The following KMT5B variants were observed in gnomAD, a reference collection of about 807,000 sequenced individuals.
KMT5B encodes the protein histone-lysine N-methyltransferase KMT5B.
A neutral mutation model predicts 83.2 loss-of-function variants in KMT5B; 10 were observed. The observed-to-expected ratio is 0.12, with a 90% CI of 0.07 to 0.20. The LOEUF (loss-of-function observed/expected upper bound fraction) is 0.20, where lower values mean the gene tolerates loss of function less well. KMT5B is among the 10% of genes least tolerant of loss of function. The pLI is 1.00. For synonymous variants in KMT5B, 349 were observed against 388.8 expected, an observed-to-expected ratio of 0.90 and a Z score of 1.20; for missense variants, 753 against 1,067.2, an observed-to-expected ratio of 0.71 and a Z score of 4.10.
chr11:68,204,006 C>T (rs1859763519), intron 1 of KMT5B, among the ~76,000 whole-genome samples: 1 of 152,158 alleles, frequency 6.6e-6, no homozygotes. Context: ...AGCTTGGATG[C>T]ATTTTGCTTC....
rs1283730043 is a variant in KMT5B, at chr11:68,171,208, G to C, written c.840+24C>G. 6.2e-7 allele frequency: 1 copy of C among 1,601,438 alleles called. No individual in the cohort carries two copies. Among genetic ancestry groups the C allele is most frequent in the Non-Finnish European group, 8.5e-7 (1 of 1,177,358 alleles). ...CACCTGAAGCAAAAACAAAATACTT[G>C]AAGAAAATTTTTTTAATGCTTACCT... On this transcript the variant is annotated intron_variant, in intron 8 of 10. Transcript: ENST00000304363. The surrounding 1 kb of genome is among the most constrained non-coding windows in gnomAD (Gnocchi z 5.1).
chr11:68,193,337 T>G (rs1858310857), intron 1 of KMT5B, among the ~76,000 whole-genome samples: 1 of 152,174 alleles, frequency 6.6e-6, no homozygotes, highest in South Asian at 2.1e-4. Context: ...AATGATAAAT[T>G]ACTTCGAAGT....
rs554256642 is a variant in KMT5B, at chr11:68,182,111, G to A, written c.309-1911C>T. ...CTATGGGGAAAAATCTTAGGCACTG[G>A]GTGCATTTTAACTTAGGAGTCCTCA... On this transcript the variant is annotated intron_variant, in intron 3 of 10. Transcript: ENST00000304363. Among the ~76,000 whole-genome samples, 6 of 152,236 alleles carry A rather than the reference G, an allele frequency of 3.9e-5. 1 individual carries two copies. In the South Asian group the frequency reaches 1.2e-3, roughly 32 times the overall value.
intron 5 of KMT5B, 28 bp from the exon 6 acceptor site, chr11:68,173,941 G>T: frequency 2.1e-6 from 3 of 1,413,668 alleles, no homozygotes; most frequent in South Asian, 2.4e-5. Flanking sequence ...AATTGATAAT[G>T]ACTTTAAATG....
chr11:68,169,440 C>T (rs901847413), intron 9 of KMT5B, among the ~76,000 whole-genome samples: 2 of 152,104 alleles, frequency 1.3e-5, no homozygotes, highest in African/African-American at 4.8e-5. Flanking sequence ...GGGGATATAG[C>T]GGAAAATGAA....
In KMT5B at chr11:68,158,258, CTTT is replaced by C. The variant is rs1194303468; in HGVS notation, c.2085_2087del (p.Lys697del). On this transcript the variant is annotated inframe_deletion, in exon 11 of 11. Transcript: ENST00000304363. ...CATCATACCTTGTGATTCGCCTCTTCTTTTTACTTTTTGCAGTTCTAAAGCTGT... is the reference window on the plus strand; with the variant it reads ...CATCATACCTTGTGATTCGCCTCTTCTTACTTTTTGCAGTTCTAAAGCTGT... 6.2e-7 allele frequency: 1 copy of C among 1,614,026 alleles called. No homozygotes were observed. Among genetic ancestry groups the C allele is most frequent in the African/African-American group, 1.3e-5 (1 of 74,896 alleles).
At chr11:68,170,396 GAC>G (rs2153051274) in intron 9 of KMT5B, among the ~76,000 whole-genome samples, 1 of 152,238 alleles carries the variant, frequency 6.6e-6, no homozygotes, top group African/African-American at 2.4e-5. Context: ...CCTTTGAGGG[GAC>G]TCTTCCTGCA....
rs770633381 is a variant in KMT5B at position 68,158,816 on chromosome 11, A to C, written c.1530T>G (p.Thr510=). ...GTCTGTGTTCTCTCGCCGCGTGTCT[A>C]GTCAAGCACCCGCTGGCAACTGCGG... is the stretch of plus-strand genomic sequence containing the variant. ...AQAAVASGCL[T]RHAAREHRQN... is the part of the protein sequence containing the mutation. The change falls in exon 11 of 11, where the codon ACT becomes ACG. Residue 510 remains threonine (T), a synonymous_variant. Coordinates refer to ENST00000304363, the MANE Select transcript of KMT5B (RefSeq NM_017635.5). The C allele has an allele frequency of 1.2e-6, 2 of 1,614,156 alleles. No homozygotes were observed. Among genetic ancestry groups the C allele is most frequent in the Admixed American group, 3.3e-5 (2 of 60,028 alleles).
At chr11:68,192,205 T>C (rs757328483) in intron 1 of KMT5B, among the ~76,000 whole-genome samples, 1 of 152,234 alleles carries the variant, frequency 6.6e-6, no homozygotes, top group Non-Finnish European at 1.5e-5. Context: ...GTGCACTCTA[T>C]GATATCTGCA....
rs989263153 is a variant in KMT5B, at chr11:68,157,540, T to C, written c.*148A>G. 2.6e-6 allele frequency: 3 copies of C among 1,162,836 alleles called. No homozygotes were observed. The highest frequency in any genetic ancestry group is 3.1e-4 in the Middle Eastern group (1 of 3,178). 72.0% of individuals were successfully genotyped at this position (1,162,836 alleles called of 1,614,324 possible). A position where few individuals can be genotyped will look rare whatever the true frequency, so the allele number is the denominator to read the frequency against. ...GCACAAATCAGACTTAAGAATTGAG[T>C]CAGTATGCTGTACACTTTCTACAAT... On this transcript the variant is annotated 3_prime_UTR_variant, in exon 11 of 11. Transcript: ENST00000304363.
intron 4 of KMT5B, among the ~76,000 whole-genome samples, chr11:68,178,296 C>A (rs1052957349): frequency 6.6e-6 from 1 of 152,150 alleles, no homozygotes; most frequent in African/African-American, 2.4e-5. Context: ...CAAGTTCATT[C>A]CTATCTAAAA....
At chr11:68,202,705 T>C (rs189993641) in intron 1 of KMT5B, among the ~76,000 whole-genome samples, 2 of 149,310 alleles carry the variant, frequency 1.3e-5, no homozygotes, top group African/African-American at 4.9e-5. Context: ...CGCACCACTA[T>C]GCCCGGCTAA....
intron 1 of KMT5B, chr11:68,212,539 C>T (rs1361641627): frequency 6.6e-6 from 1 of 152,318 alleles, no homozygotes; most frequent in Non-Finnish European, 1.5e-5. Flanking sequence ...GTTCCTCCTT[C>T]CAAGGCGGAG....
At chr11:68,174,096 C>T in intron 5 of KMT5B, 183 bp from the exon 6 acceptor site, 1 of 648,632 alleles carries the variant, frequency 1.5e-6, no homozygotes. Context: ...ACCTTTAGTG[C>T]CAGCTACGTG....
chr11:68,161,319 T>C (rs1240281539), intron 10 of KMT5B, among the ~76,000 whole-genome samples: 2 of 152,194 alleles, frequency 1.3e-5, no homozygotes, highest in Non-Finnish European at 2.9e-5. Context: ...AAGACACTAG[T>C]GAAGAAAGGA....
At chr11:68,162,571 T>G (rs1590927775) in intron 10 of KMT5B, among the ~76,000 whole-genome samples, 1 of 152,308 alleles carries the variant, frequency 6.6e-6, no homozygotes, top group East Asian at 1.9e-4. Context: ...CTTCTTATTT[T>G]CACCCGTTGG....
At chr11:68,207,577 G>A (rs963151251) in intron 1 of KMT5B, among the ~76,000 whole-genome samples, 3 of 152,000 alleles carry the variant, frequency 2.0e-5, no homozygotes, top group Admixed American at 6.5e-5. Flanking sequence ...CGGATCACGA[G>A]GTCAAGAATT....
At chr11:68,200,142 C>G (rs1565257043) in intron 1 of KMT5B, among the ~76,000 whole-genome samples, 1 of 152,120 alleles carries the variant, frequency 6.6e-6, no homozygotes, top group South Asian at 2.1e-4. Context: ...CAAATAAAAT[C>G]AAAGTATTAA....
chr11:68,178,342 A>G (rs1009623677), intron 4 of KMT5B, among the ~76,000 whole-genome samples: 3 of 152,310 alleles, frequency 2.0e-5, no homozygotes, highest in South Asian at 2.1e-4. Flanking sequence ...TTTACTTTTT[A>G]TTCATAATGC....
Sources: gnomAD v4.1 joint callset for allele counts (sites outside exome capture counted in the v4.1 genomes callset) on GRCh38, gnomAD v4.1.1 for gene constraint, Gnocchi (gnomAD v3.1) non-coding constraint, MANE v1.5 for transcripts, NCBI Gene and HGNC (gene_info 2026-07-23, HGNC 2026-07-21) for gene names.